NFIA: variants seen among roughly 807,000 people sequenced by gnomAD.
NFIA encodes the protein nuclear factor 1 A-type.
In NFIA, 8 loss-of-function variants were observed where a neutral mutation model predicts 62.8. The observed-to-expected ratio is 0.13, with a 90% CI of 0.07 to 0.23. The LOEUF is 0.23. Ranked by LOEUF, NFIA falls within the 10% of genes least tolerant of loss-of-function variation. NFIA has a pLI of 1.00. For missense variants in NFIA, 410 were observed against 642.1 expected, an observed-to-expected ratio of 0.64 and a Z score of 3.91; for synonymous variants, 235 against 238.1, an observed-to-expected ratio of 0.99 and a Z score of 0.12.
intron 9 of NFIA, among the ~76,000 whole-genome samples, chr1:61,407,049 C>T (rs574273968): frequency 5.3e-5 from 8 of 152,224 alleles, no homozygotes; most frequent in Non-Finnish European, 8.8e-5. Context: ...CAGCTACTTA[C>T]ATGGATTCTG....
chr1:61,235,746 G>A (rs1158206818), intron 2 of NFIA, among the ~76,000 whole-genome samples: 4 of 149,908 alleles, frequency 2.7e-5, no homozygotes, highest in African/African-American at 7.3e-5. Context: ...CTGGGAAGTT[G>A]AAGCTGCAGT....
intron 10 of NFIA, among the ~76,000 whole-genome samples, chr1:61,443,857 A>G (rs1194256995): frequency 6.6e-6 from 1 of 152,152 alleles, no homozygotes; most frequent in African/African-American, 2.4e-5. Context: ...TTGAGTCTTA[A>G]TTTCAATAAG....
intron 2 of NFIA, among the ~76,000 whole-genome samples, chr1:61,130,062 A>G (rs1647047855): frequency 6.6e-6 from 1 of 152,078 alleles, no homozygotes; most frequent in Non-Finnish European, 1.5e-5. Context: ...CAGATAGCTA[A>G]AGTCAATGTC....
chr1:61,259,526 TC>T (rs995307861), intron 2 of NFIA, among the ~76,000 whole-genome samples: 2 of 152,212 alleles, frequency 1.3e-5, no homozygotes, highest in African/African-American at 4.8e-5. Flanking sequence ...TGAGTCCCAT[TC>T]TCAGTAACCA....
intron 3 of NFIA, among the ~76,000 whole-genome samples, chr1:61,280,241 T>C (rs761558595): frequency 1.3e-5 from 2 of 152,248 alleles, no homozygotes; most frequent in Non-Finnish European, 2.9e-5. Context: ...CTCTCTGGTG[T>C]TGCGTTGATC....
At chr1:61,341,610 C>T (rs572659550) in intron 4 of NFIA, among the ~76,000 whole-genome samples, 9 of 152,188 alleles carry the variant, frequency 5.9e-5, no homozygotes, top group Admixed American at 1.3e-4. Flanking sequence ...TCCCAGTAGC[C>T]GGGACCACAG....
At chr1:61,242,769 A>G (rs116153433) in intron 2 of NFIA, among the ~76,000 whole-genome samples, 106 of 152,296 alleles carry the variant, frequency 7.0e-4, no homozygotes, top group Non-Finnish European at 1.3e-3. Flanking sequence ...CATTTTATTT[A>G]ATGCTTAAGT....
chr1:61,387,237 C>A (rs1052373112), intron 7 of NFIA, among the ~76,000 whole-genome samples: 2 of 152,076 alleles, frequency 1.3e-5, no homozygotes, highest in Admixed American at 1.3e-4. Flanking sequence ...CCAAAGGTTT[C>A]TCATCTCTAA....
At chr1:61,189,225 C>T (rs1651432351) in intron 2 of NFIA, among the ~76,000 whole-genome samples, 2 of 152,106 alleles carry the variant, frequency 1.3e-5, no homozygotes, top group Non-Finnish European at 2.9e-5. Flanking sequence ...CAGACAAGGA[C>T]AAGGAGCCCT....
chr1:61,289,058 CTG>C (rs1224610296), intron 3 of NFIA, among the ~76,000 whole-genome samples: 2 of 152,238 alleles, frequency 1.3e-5, no homozygotes, highest in South Asian at 2.1e-4. Context: ...GTGTGAGCCA[CTG>C]CGCCTGGAGT....
At chr1:61,371,780 G>C (rs1663898368) in intron 6 of NFIA, among the ~76,000 whole-genome samples, 1 of 152,162 alleles carries the variant, frequency 6.6e-6, no homozygotes, top group African/African-American at 2.4e-5. Context: ...GAGGAACCTA[G>C]TTTTGTCTAT....
chr1:61,175,415 TAG>T (rs1650273245), intron 2 of NFIA, among the ~76,000 whole-genome samples: 1 of 152,200 alleles, frequency 6.6e-6, no homozygotes, highest in African/African-American at 2.4e-5. Context: ...GTGCTGGGAT[TAG>T]AGTCATGAGC....
intron 2 of NFIA, among the ~76,000 whole-genome samples, chr1:61,235,263 C>T (rs1024418726): frequency 1.2e-4 from 18 of 151,872 alleles, no homozygotes; most frequent in Admixed American, 1.3e-4. Flanking sequence ...GAGATCGAGA[C>T]CATCCTGTCT....
At chr1:61,445,609 A>G (rs984664701) in intron 10 of NFIA, among the ~76,000 whole-genome samples, 3 of 152,202 alleles carry the variant, frequency 2.0e-5, no homozygotes, top group Non-Finnish European at 4.4e-5. Flanking sequence ...GGAGAAAAGT[A>G]TTGTTCACTG....
chr1:61,138,565 GTTTA>G (rs111808933), intron 2 of NFIA, among the ~76,000 whole-genome samples: 69,759 of 142,410 alleles, frequency 0.49, 18,244 homozygotes, highest in African/African-American at 0.73. Context: ...TTGTTTGTTT[GTTTA>G]TTTATTTATT....
At chr1:61,304,672 T>G (rs969714198) in intron 3 of NFIA, among the ~76,000 whole-genome samples, 1 of 152,088 alleles carries the variant, frequency 6.6e-6, no homozygotes, top group African/African-American at 2.4e-5. Context: ...ATCTGATTTT[T>G]TTTTTTGTAG....
chr1:61,220,028 C>T (rs1234558050), intron 2 of NFIA, among the ~76,000 whole-genome samples: 1 of 152,172 alleles, frequency 6.6e-6, no homozygotes, highest in Non-Finnish European at 1.5e-5. Context: ...GGCAGGTAAA[C>T]TATGGCATGT....
intron 2 of NFIA, among the ~76,000 whole-genome samples, chr1:61,246,550 T>G (rs1453216242): frequency 6.6e-6 from 1 of 152,070 alleles, no homozygotes; most frequent in Non-Finnish European, 1.5e-5. Context: ...AGTTTCCTCT[T>G]CTGAAAAATG....
At chr1:61,200,785 C>T (rs998904793) in intron 2 of NFIA, among the ~76,000 whole-genome samples, 1 of 152,092 alleles carries the variant, frequency 6.6e-6, no homozygotes, top group African/African-American at 2.4e-5. Context: ...AACCAAAAAA[C>T]CTCCAGAAAT....
Sources: allele counts gnomAD v4.1 joint callset (sites outside exome capture counted in the v4.1 genomes callset), GRCh38; gene constraint gnomAD v4.1.1; transcripts MANE v1.5; gene names NCBI Gene and HGNC (gene_info 2026-07-23, HGNC 2026-07-21).